RPA2: variants seen among roughly 807,000 people sequenced by gnomAD.
The protein encoded by RPA2 is replication protein A2, also known as replication protein A 32 kDa subunit.
A neutral mutation model predicts 33.4 loss-of-function variants in RPA2; 22 were observed. The observed-to-expected ratio is 0.66, with a 90% confidence interval of 0.47 to 0.94. The LOEUF (loss-of-function observed/expected upper bound fraction) is 0.94. Ranked by LOEUF, RPA2 falls within the 40% of genes least tolerant of loss-of-function variation. The pLI is 0.00. For missense variants in RPA2, 279 were observed against 329.9 expected (o/e 0.85, Z 1.19); for synonymous variants, 109 against 114.9 (o/e 0.95, Z 0.33).
At position 27,914,172 on chromosome 1, in the gene RPA2, G is replaced by A. The variant is rs1291086822; in HGVS notation, c.11-3C>T. On this transcript the variant is annotated splice_region_variant and splice_polypyrimidine_tract_variant and intron_variant, in intron 1 of 8. Coordinates refer to ENST00000373912, the MANE Select transcript of RPA2 (RefSeq NM_002946.5). ...GCTGCCATAGCTTTCGAATCCACCT[G>A]TTTTGAACAACAGGATTAGTGCCTG... 2.5e-6 allele frequency: 4 copies of A among 1,613,758 alleles called. No individual in the cohort carries two copies. In the Admixed American group the frequency reaches 6.7e-5, roughly 27 times the overall value.
At chr1:27,903,834 T>C (rs2089996025) in intron 4 of RPA2, among the ~76,000 whole-genome samples, 1 of 127,914 alleles carries the variant, frequency 7.8e-6, no homozygotes, top group South Asian at 2.5e-4. Flanking sequence ...GAGGCCAGCC[T>C]AGGCAGCAAG....
At chr1:27,909,390 A>G (rs571726672) in intron 2 of RPA2, among the ~76,000 whole-genome samples, 408 of 152,324 alleles carry the variant, frequency 2.7e-3, no homozygotes, top group Non-Finnish European at 4.7e-3. Flanking sequence ...GCAGCAGCCA[A>G]GCTTGAGGGT....
Position 27,909,443 on chromosome 1 carries a change from C to G in RPA2, c.118-2161G>C, listed in dbSNP as rs545818834. 3.3e-5 allele frequency among the ~76,000 whole-genome samples: 5 copies of G among 152,158 alleles called. No homozygotes were observed. The East Asian group carries it at 7.7e-4, about 23-fold the overall frequency. ...TCTCAAGAGCAGCTGCTTGGCCAGG[C>G]GTGGTGGGTAACGCCTGTAATCCCA... On this transcript the variant is annotated intron_variant, in intron 2 of 8. Transcript: ENST00000373912.
rs188726817 is a variant in RPA2 at position 27,891,539 on chromosome 1, A to G, written c.*624T>C. 6.6e-6 allele frequency: 1 copy of G among 152,362 alleles called. No individual in the cohort carries two copies. Among genetic ancestry groups the G allele is most frequent in the African/African-American group, 2.4e-5 (1 of 41,580 alleles). 9.4% of individuals were successfully genotyped at this position (152,362 alleles called of 1,614,324 possible). The stretch of plus-strand genomic sequence containing the variant: ...AAAACGAGAATTTTTACAAGTTACT[A>G]CAATAGAACTGTTTTATTAAACATA... On this transcript the variant is annotated 3_prime_UTR_variant, in exon 9 of 9. Transcript: ENST00000373912.
At chr1:27,899,956 A>G (rs932131501) in intron 4 of RPA2, among the ~76,000 whole-genome samples, 10 of 152,182 alleles carry the variant, frequency 6.6e-5, no homozygotes, top group African/African-American at 2.2e-4. Context: ...CTGGGATTAC[A>G]GGCGTGAGCC....
chr1:27,908,558 C>T (rs192264158), intron 2 of RPA2, among the ~76,000 whole-genome samples: 12 of 151,872 alleles, frequency 7.9e-5, no homozygotes, highest in Non-Finnish European at 1.5e-4. Flanking sequence ...TGTGGTGGCG[C>T]GATCTCAGCT....
chr1:27,909,765 GT>G, intron 2 of RPA2, among the ~76,000 whole-genome samples: 1 of 151,696 alleles, frequency 6.6e-6, no homozygotes, highest in East Asian at 1.9e-4. Flanking sequence ...TAACTCATTT[GT>G]ACCTCGGTTT....
chr1:27,910,169 C>G (rs1209326026), intron 2 of RPA2, among the ~76,000 whole-genome samples: 1 of 152,150 alleles, frequency 6.6e-6, no homozygotes, highest in Non-Finnish European at 1.5e-5. Context: ...CCAGAGAGTC[C>G]TGTAGACCCA....
chr1:27,914,604 C>G, upstream of RPA2: 1 of 1,613,818 alleles, frequency 6.2e-7, no homozygotes, highest in Non-Finnish European at 8.5e-7. Flanking sequence ...CCGGGGTGCT[C>G]GCTTCAGCCA....
intron 6 of RPA2, 47 bp downstream of exon 6, chr1:27,896,958 G>C (rs754430618): frequency 7.1e-7 from 1 of 1,401,884 alleles, no homozygotes; most frequent in Non-Finnish European, 1.0e-6. Context: ...AAAGTAGCCT[G>C]TGTTCTTCCA....
At chr1:27,901,791 G>A (rs1430173784) in intron 4 of RPA2, among the ~76,000 whole-genome samples, 3 of 151,994 alleles carry the variant, frequency 2.0e-5, no homozygotes, top group African/African-American at 7.2e-5. Context: ...TTTGAGATAG[G>A]GTCTTCCCAT....
At chr1:27,908,615 C>G (rs556358108) in intron 2 of RPA2, among the ~76,000 whole-genome samples, 4 of 151,880 alleles carry the variant, frequency 2.6e-5, no homozygotes, top group Middle Eastern at 3.4e-3. Context: ...CCTGTCTCAG[C>G]CCCCCCGAGT....
At chr1:27,905,662 ACT>A (rs2090017898) in intron 4 of RPA2, among the ~76,000 whole-genome samples, 1 of 150,186 alleles carries the variant, frequency 6.7e-6, no homozygotes, top group African/African-American at 2.5e-5. Flanking sequence ...CTAGGTCACC[ACT>A]GTTTGTCTTT....
rs2089912581 is a variant in RPA2, at chr1:27,897,802, G to A, written c.334-95C>T. 4.0e-5 allele frequency: 31 copies of A among 781,108 alleles called. No individual in the cohort carries two copies. The South Asian group carries it at 7.6e-4, about 19-fold the overall frequency. 48.4% of individuals were successfully genotyped at this position (781,108 alleles called of 1,614,324 possible). On this transcript the variant is annotated intron_variant, in intron 4 of 8. Coordinates refer to ENST00000373912, the MANE Select transcript of RPA2 (RefSeq NM_002946.5). ...ATTATGTATAGAAAGAGAAAGTTAC[G>A]AAGTAGAAGAGTTAAAGGATCCTAA...
At chr1:27,911,863 C>T (rs904922449) in intron 2 of RPA2, among the ~76,000 whole-genome samples, 8 of 151,262 alleles carry the variant, frequency 5.3e-5, no homozygotes, top group African/African-American at 9.7e-5. Context: ...GAGGCCGAGG[C>T]GGGCAGATCA....
At chr1:27,914,685 C>G (rs765839076), upstream of RPA2, 66 of 1,612,360 alleles carry the variant, frequency 4.1e-5, no homozygotes, top group Non-Finnish European at 4.2e-5. Context: ...GTACTGCGCT[C>G]CCAGTTGGCT....
chr1:27,898,808 C>T (rs1012443414), intron 4 of RPA2, among the ~76,000 whole-genome samples: 3 of 152,072 alleles, frequency 2.0e-5, no homozygotes, highest in African/African-American at 4.8e-5. Flanking sequence ...CCACCCGTCG[C>T]GGCCTCCCAA....
At chr1:27,910,033 G>C (rs2090079166) in intron 2 of RPA2, among the ~76,000 whole-genome samples, 1 of 152,062 alleles carries the variant, frequency 6.6e-6, no homozygotes, top group African/African-American at 2.4e-5. Context: ...GGGGTCCCAG[G>C]ATTTACCTCT....
At chr1:27,895,384 T>C (rs984336031) in intron 6 of RPA2, among the ~76,000 whole-genome samples, 1 of 151,580 alleles carries the variant, frequency 6.6e-6, no homozygotes, top group Non-Finnish European at 1.5e-5. Context: ...ATCACGCCAT[T>C]GCACTCCAGC....
Sources: allele counts gnomAD v4.1 joint callset (sites outside exome capture counted in the v4.1 genomes callset), GRCh38; gene constraint gnomAD v4.1.1; transcripts MANE v1.5; gene names NCBI Gene and HGNC (gene_info 2026-07-23, HGNC 2026-07-21).